MYO9A: variants seen among roughly 807,000 people sequenced by gnomAD.
MYO9A encodes unconventional myosin-IXa.
In MYO9A, 103 loss-of-function variants were observed where a neutral mutation model predicts 293.3. The observed-to-expected ratio is 0.35, with a 90% CI of 0.30 to 0.41. The LOEUF (loss-of-function observed/expected upper bound fraction) is 0.41, where lower values mean the gene tolerates loss of function less well. MYO9A is among the 10% of genes least tolerant of loss of function. The pLI is 1.00. For missense variants in MYO9A, 2,685 were observed against 3,033.0 expected (o/e 0.89, Z 2.69); for synonymous variants, 1,001 against 1,035.7 (o/e 0.97, Z 0.64).
intron 3 of MYO9A, among the ~76,000 whole-genome samples, chr15:72,031,876 A>G (rs2077882539): frequency 6.6e-6 from 1 of 152,130 alleles, no homozygotes; most frequent in African/African-American, 2.4e-5. Context: ...GTAGATTAGA[A>G]AATACCAACT....
intron 1 of MYO9A, among the ~76,000 whole-genome samples, chr15:72,101,241 G>A (rs1174044351): frequency 3.3e-4 from 44 of 135,104 alleles, no homozygotes; most frequent in Middle Eastern, 5.7e-3. Context: ...CGGGAGGGAG[G>A]TGGGGGGGTC....
intron 1 of MYO9A, among the ~76,000 whole-genome samples, chr15:72,098,509 A>G (rs552628585): frequency 3.3e-4 from 50 of 152,340 alleles, no homozygotes; most frequent in African/African-American, 1.2e-3. Context: ...ATATTTTGAA[A>G]TAAATAACAA....
intron 1 of MYO9A, among the ~76,000 whole-genome samples, chr15:72,077,026 CA>C (rs34070169): frequency 3.5e-4 from 52 of 147,628 alleles, no homozygotes; most frequent in African/African-American, 3.2e-4. Context: ...CAACTACATC[CA>C]AAAAAAAAAA....
chr15:72,084,660 G>A (rs995369271), intron 1 of MYO9A, among the ~76,000 whole-genome samples: 6 of 152,248 alleles, frequency 3.9e-5, no homozygotes, highest in South Asian at 2.1e-4. Context: ...CACGTCTGAC[G>A]GTATCAAATT....
intron 33 of MYO9A, among the ~76,000 whole-genome samples, chr15:71,861,679 T>TAAAAAAAA (rs66598621): frequency 3.6e-4 from 30 of 82,826 alleles, no homozygotes; most frequent in African/African-American, 5.9e-4. Context: ...ACTGATGATA[T>TAAAAAAAA]AAAAAAAAAA....
chr15:72,042,126 C>CA lies in MYO9A; in HGVS notation c.840+3597dup, dbSNP rs1327605018. On this transcript the variant is annotated intron_variant, in intron 2 of 41. Coordinates refer to ENST00000356056, the MANE Select transcript of MYO9A (RefSeq NM_006901.4). ...TTCTATCAATGCAAAAGATTGAATG[C>CA]AAAAAAAAAAGACATTAAAGAAAAC... Among the ~76,000 whole-genome samples the CA allele has an allele frequency of 2.2e-3, 109 of 49,702 alleles. No homozygotes were observed. The Middle Eastern group carries it at 0.039, about 18-fold the overall frequency. The allele number at this position is 49,702 out of a possible 152,430, so 32.6% of individuals were successfully genotyped here.
chr15:71,959,117 G>C (rs1341385026), intron 14 of MYO9A: 1 of 152,100 alleles, frequency 6.6e-6, no homozygotes, highest in Non-Finnish European at 1.5e-5. Context: ...AGGCAAAGCA[G>C]GTTTGAGATA....
intron 35 of MYO9A, 67 bp from the exon 36 acceptor site, chr15:71,852,327 A>G (rs2055684375): frequency 2.2e-6 from 3 of 1,352,086 alleles, no homozygotes; most frequent in African/African-American, 2.9e-5. Context: ...AATTCACTTT[A>G]GAAACTATCA....
chr15:71,965,164 TG>T (rs1323968290), intron 13 of MYO9A, among the ~76,000 whole-genome samples: 2 of 151,926 alleles, frequency 1.3e-5, no homozygotes, highest in Non-Finnish European at 2.9e-5. Flanking sequence ...TTTTGACTCA[TG>T]GGTTATTCAG....
At chr15:72,100,333 G>A (rs557912151) in intron 1 of MYO9A, among the ~76,000 whole-genome samples, 2 of 152,338 alleles carry the variant, frequency 1.3e-5, no homozygotes, top group African/African-American at 2.4e-5. Context: ...CTCAGTGCTC[G>A]GTGGTGCCCA....
At chr15:72,026,957 T>G (rs2077693212) in intron 4 of MYO9A, among the ~76,000 whole-genome samples, 1 of 152,162 alleles carries the variant, frequency 6.6e-6, no homozygotes, top group Non-Finnish European at 1.5e-5. Flanking sequence ...TAATCAAAAT[T>G]TCACACAAAT....
intron 18 of MYO9A, among the ~76,000 whole-genome samples, chr15:71,925,295 GTACA>G (rs2058274713): frequency 6.7e-6 from 1 of 149,654 alleles, no homozygotes; most frequent in Admixed American, 6.7e-5. Flanking sequence ...ACACGTGTAT[GTACA>G]TATATACGTA....
intron 12 of MYO9A, among the ~76,000 whole-genome samples, chr15:71,977,384 G>A (rs755448827): frequency 6.6e-6 from 1 of 152,148 alleles, no homozygotes; most frequent in East Asian, 1.9e-4. Flanking sequence ...TTACAGGCCT[G>A]CACTACTATG....
intron 27 of MYO9A, 130 bp from the exon 28 acceptor site, chr15:71,883,866 G>T: frequency 1.2e-6 from 1 of 813,118 alleles, no homozygotes; most frequent in South Asian, 3.2e-5. Flanking sequence ...TAAATTAAGT[G>T]TATTTATCTT....
intron 30 of MYO9A, among the ~76,000 whole-genome samples, chr15:71,879,467 A>C (rs572502826): frequency 1.3e-5 from 2 of 152,240 alleles, no homozygotes; most frequent in Non-Finnish European, 2.9e-5. Flanking sequence ...AGTATCTTAA[A>C]AGATGAAAAA....
chr15:72,053,728 A>G (rs1343603696), intron 1 of MYO9A, among the ~76,000 whole-genome samples: 2 of 152,216 alleles, frequency 1.3e-5, no homozygotes, highest in East Asian at 1.9e-4. Flanking sequence ...CTGGGTAACA[A>G]AATAATCTGT....
chr15:72,034,563 T>C (rs1185787426), intron 2 of MYO9A, among the ~76,000 whole-genome samples: 1 of 152,214 alleles, frequency 6.6e-6, no homozygotes, highest in Non-Finnish European at 1.5e-5. Context: ...TTGACATTGC[T>C]GAGTCCTGAA....
intron 41 of MYO9A, among the ~76,000 whole-genome samples, chr15:71,827,362 A>C (rs1489224681): frequency 2.6e-5 from 4 of 151,598 alleles, no homozygotes; most frequent in Non-Finnish European, 5.9e-5. Flanking sequence ...CCAGTTAAAC[A>C]CCTCCTTTGT....
chr15:71,929,594 AT>A (rs1362983220), intron 18 of MYO9A, among the ~76,000 whole-genome samples: 9 of 152,154 alleles, frequency 5.9e-5, no homozygotes, highest in African/African-American at 2.2e-4. Context: ...ACATTTATTG[AT>A]TTGCATATAT....
Sources: gnomAD v4.1 joint callset for allele counts (sites outside exome capture counted in the v4.1 genomes callset) on GRCh38, gnomAD v4.1.1 for gene constraint, MANE v1.5 for transcripts, NCBI Gene and HGNC (gene_info 2026-07-23, HGNC 2026-07-21) for gene names.